The following ACBD6 variants were observed in gnomAD, a reference collection of about 807,000 sequenced individuals.
ACBD6 encodes the protein acyl-CoA-binding domain-containing protein 6.
Under a neutral mutation model 37.2 loss-of-function variants are expected in ACBD6, and 28 were observed. That is an observed-to-expected ratio of 0.75 (90% CI 0.56 to 1.03). The LOEUF (loss-of-function observed/expected upper bound fraction) is 1.03. Among genes scored for constraint, ACBD6 ranks in the 50% least tolerant of loss-of-function variants. The pLI, the probability that ACBD6 is intolerant of heterozygous loss-of-function variation, is 0.00. For synonymous variants in ACBD6, 113 were observed against 126.8 expected (o/e 0.89, Z 0.73); for missense variants, 340 against 337.4 (o/e 1.01, Z -0.06).
chr1:180,311,590 A>G (rs987834264), intron 7 of ACBD6, among the ~76,000 whole-genome samples: 1 of 152,142 alleles, frequency 6.6e-6, no homozygotes, highest in Non-Finnish European at 1.5e-5. Context: ...TTTGCCCAGG[A>G]CAGCCTTAGC....
At chr1:180,295,499 G>A (rs1251827491) in intron 7 of ACBD6, among the ~76,000 whole-genome samples, 1 of 139,252 alleles carries the variant, frequency 7.2e-6, no homozygotes, top group Non-Finnish European at 1.6e-5. Flanking sequence ...ACTTTACTGT[G>A]CATCACAGAT....
intron 6 of ACBD6, among the ~76,000 whole-genome samples, chr1:180,382,061 G>A (rs1653674420): frequency 6.7e-6 from 1 of 149,170 alleles, no homozygotes; most frequent in Admixed American, 6.7e-5. Context: ...GTTGCAGTGA[G>A]CCAAGATTGC....
chr1:180,341,625 C>T (rs1342293127), intron 6 of ACBD6, among the ~76,000 whole-genome samples: 8 of 152,084 alleles, frequency 5.3e-5, no homozygotes, highest in Non-Finnish European at 1.0e-4. Flanking sequence ...AAAGCGTTGT[C>T]TATACTCTAA....
At chr1:180,389,958 T>C (rs1654007302) in intron 6 of ACBD6, among the ~76,000 whole-genome samples, 2 of 152,108 alleles carry the variant, frequency 1.3e-5, no homozygotes, top group Admixed American at 1.3e-4. Context: ...AGGTTGCCTG[T>C]TCACTCTGAT....
chr1:180,386,303 C>T (rs1225428910), intron 6 of ACBD6, among the ~76,000 whole-genome samples: 1 of 152,210 alleles, frequency 6.6e-6, no homozygotes, highest in African/African-American at 2.4e-5. Context: ...AGTTGAGGAG[C>T]ATCTGCAGTG....
At chr1:180,457,071 T>C (rs78310391) in intron 3 of ACBD6, among the ~76,000 whole-genome samples, 2,988 of 152,162 alleles carry the variant, frequency 0.02, 99 homozygotes, top group African/African-American at 0.067. Flanking sequence ...TAAACAATAA[T>C]AGGAAGATGT....
intron 1 of ACBD6, among the ~76,000 whole-genome samples, chr1:180,500,872 TG>T (rs1651944479): frequency 6.6e-6 from 1 of 150,842 alleles, no homozygotes; most frequent in Non-Finnish European, 1.5e-5. Context: ...ATGATGTTTT[TG>T]CTTCTCTGCA....
At chr1:180,318,635 G>A (rs1571353970) in intron 6 of ACBD6, among the ~76,000 whole-genome samples, 1 of 152,156 alleles carries the variant, frequency 6.6e-6, no homozygotes, top group African/African-American at 2.4e-5. Flanking sequence ...AACTTAAGAA[G>A]TGCAAATTTA....
At chr1:180,492,147 A>T (rs1238680702) in intron 3 of ACBD6, 122 bp downstream of exon 3, 1 of 760,864 alleles carries the variant, frequency 1.3e-6, no homozygotes, top group Non-Finnish European at 2.2e-6. Context: ...AATAACTTTA[A>T]AATATTTCAA....
At chr1:180,324,982 G>A (rs938028132) in intron 6 of ACBD6, among the ~76,000 whole-genome samples, 2 of 152,096 alleles carry the variant, frequency 1.3e-5, no homozygotes, top group Non-Finnish European at 2.9e-5. Flanking sequence ...ATGTGTTGGA[G>A]CTCCATTATA....
At chr1:180,462,410 G>C (rs1650182348) in intron 3 of ACBD6, among the ~76,000 whole-genome samples, 1 of 152,098 alleles carries the variant, frequency 6.6e-6, no homozygotes, top group South Asian at 2.1e-4. Context: ...CAGGCAAATA[G>C]AAAACAGAAA....
chr1:180,274,337 C>A (rs1398719761), intron 10 of ACBD6: 59 of 1,614,220 alleles, frequency 3.7e-5, no homozygotes, highest in Non-Finnish European at 5.0e-5. Context: ...CTATGGAATC[C>A]CCCAGTCTCC....
chr1:180,488,984 G>A (rs1056847038), intron 3 of ACBD6, among the ~76,000 whole-genome samples: 2 of 152,118 alleles, frequency 1.3e-5, no homozygotes, highest in African/African-American at 4.8e-5. Flanking sequence ...GACTTTTTGT[G>A]AAGATATCAA....
At chr1:180,453,178 G>C (rs777291980) in intron 3 of ACBD6, among the ~76,000 whole-genome samples, 1 of 152,178 alleles carries the variant, frequency 6.6e-6, no homozygotes, top group South Asian at 2.1e-4. Context: ...TAAAATACTA[G>C]CAAATCGAAT....
intron 6 of ACBD6, among the ~76,000 whole-genome samples, chr1:180,322,881 T>C (rs1651127084): frequency 6.6e-6 from 1 of 151,576 alleles, no homozygotes; most frequent in African/African-American, 2.4e-5. Context: ...ATTTTATTTA[T>C]TATTTTATTA....
chr1:180,364,564 G>C (rs1032013842), intron 6 of ACBD6, among the ~76,000 whole-genome samples: 3 of 152,164 alleles, frequency 2.0e-5, no homozygotes, highest in African/African-American at 7.2e-5. Context: ...GATTTAACAG[G>C]TAGGAGAAAT....
At chr1:180,309,105 A>C (rs1466136640) in intron 7 of ACBD6, among the ~76,000 whole-genome samples, 1 of 152,188 alleles carries the variant, frequency 6.6e-6, no homozygotes, top group Non-Finnish European at 1.5e-5. Context: ...TAAGGCAATT[A>C]ACATTATTAG....
intron 3 of ACBD6, among the ~76,000 whole-genome samples, chr1:180,460,620 C>T (rs964966066): frequency 6.6e-6 from 1 of 152,182 alleles, no homozygotes; most frequent in Non-Finnish European, 1.5e-5. Flanking sequence ...GGTGATACCT[C>T]CAGGTATTGG....
At chr1:180,462,196 C>T (rs987959647) in intron 3 of ACBD6, among the ~76,000 whole-genome samples, 7 of 152,054 alleles carry the variant, frequency 4.6e-5, no homozygotes, top group Non-Finnish European at 8.8e-5. Context: ...AAGATCGTGC[C>T]ATGGCACTCC....
Sources: gnomAD v4.1 joint callset for allele counts (sites outside exome capture counted in the v4.1 genomes callset) on GRCh38, gnomAD v4.1.1 for gene constraint, MANE v1.5 for transcripts, NCBI Gene and HGNC (gene_info 2026-07-23, HGNC 2026-07-21) for gene names.